The following AGBL2 variants were observed in gnomAD, a reference collection of about 807,000 sequenced individuals.
AGBL2 encodes the protein AGBL carboxypeptidase 2, also known as cytosolic carboxypeptidase 2.
AGBL2 carries 87 observed loss-of-function variants against 103.0 expected under a neutral mutation model. That is an observed-to-expected ratio of 0.84 (90% CI 0.71 to 1.01). The LOEUF (loss-of-function observed/expected upper bound fraction) is 1.01. AGBL2 is among the 50% of genes least tolerant of loss of function. AGBL2 has a pLI of 0.00. For synonymous variants in AGBL2, 335 were observed against 356.7 expected (o/e 0.94, Z 0.69); for missense variants, 904 against 1,023.5 (o/e 0.88, Z 1.59).
intron 3 of AGBL2, among the ~76,000 whole-genome samples, chr11:47,711,461 A>G (rs1052365946): frequency 1.3e-5 from 2 of 152,158 alleles, no homozygotes; most frequent in Non-Finnish European, 2.9e-5. Context: ...GTCCCAGGAC[A>G]TGGTTTTTGG....
chr11:47,673,308 G>A (rs1185704250), intron 14 of AGBL2, among the ~76,000 whole-genome samples: 2 of 151,912 alleles, frequency 1.3e-5, no homozygotes, highest in East Asian at 1.9e-4. Context: ...GCAACATGGT[G>A]AAACCCCATC....
chr11:47,684,711 TG>T (rs1433330470), intron 11 of AGBL2, among the ~76,000 whole-genome samples: 2 of 152,216 alleles, frequency 1.3e-5, no homozygotes, highest in Non-Finnish European at 2.9e-5. Context: ...TACCTGTATA[TG>T]CCTGTCACAA....
intron 17 of AGBL2, among the ~76,000 whole-genome samples, chr11:47,664,249 GT>G (rs1320603558): frequency 1.3e-5 from 2 of 151,894 alleles, no homozygotes; most frequent in African/African-American, 4.8e-5. Context: ...TACCAAAACT[GT>G]TTTTTTATTT....
chr11:47,685,427 CT>C (rs953575689), intron 11 of AGBL2, among the ~76,000 whole-genome samples: 43 of 143,926 alleles, frequency 3.0e-4, no homozygotes, highest in South Asian at 2.2e-4. Flanking sequence ...CACAGCAATT[CT>C]TTTTTTTTTT....
chr11:47,706,698 ATG>A (rs2097521196), intron 4 of AGBL2, among the ~76,000 whole-genome samples: 2 of 151,890 alleles, frequency 1.3e-5, no homozygotes, highest in African/African-American at 2.4e-5. Flanking sequence ...CCTCAAAAGA[ATG>A]TGTTTTTTGT....
chr11:47,702,732 G>A (rs912100819), intron 7 of AGBL2, among the ~76,000 whole-genome samples: 3 of 152,042 alleles, frequency 2.0e-5, no homozygotes, highest in Non-Finnish European at 4.4e-5. Flanking sequence ...AAATTAGCTG[G>A]GTGCGGTGGT....
Position 47,690,861 on chromosome 11 carries a change from G to A in AGBL2, c.849-3C>T, listed in dbSNP as rs528840697. 99 of 1,601,430 alleles carry A rather than the reference G, an allele frequency of 6.2e-5. No individual in the cohort carries two copies. Among genetic ancestry groups the A allele is most frequent in the Non-Finnish European group, 7.7e-5 (91 of 1,176,506 alleles). On this transcript the variant is annotated splice_region_variant and splice_polypyrimidine_tract_variant and intron_variant, in intron 9 of 18. Transcript: ENST00000525123. ...TGAGTTCATACTCATAGGTGTCTCT[G>A]TAATGGAGAAAATAGAACAACTCTG... is the stretch of plus-strand genomic sequence containing the variant.
intron 8 of AGBL2, among the ~76,000 whole-genome samples, chr11:47,698,633 C>T (rs2097486279): frequency 6.6e-6 from 1 of 152,096 alleles, no homozygotes; most frequent in African/African-American, 2.4e-5. Flanking sequence ...ATATCCCTGG[C>T]ACTGGTTCAT....
intron 17 of AGBL2, chr11:47,666,695 A>G: frequency 1.7e-6 from 1 of 598,074 alleles, no homozygotes; most frequent in Non-Finnish European, 2.9e-6. Context: ...AGAGGGATGA[A>G]TGGATGGTAA....
chr11:47,709,336 C>CT, intron 4 of AGBL2, among the ~76,000 whole-genome samples: 1 of 93,338 alleles, frequency 1.1e-5, no homozygotes, highest in Admixed American at 1.5e-4. Context: ...TGGTAGGACT[C>CT]TGAGGGTGGG....
intron 14 of AGBL2, 40 bp downstream of exon 14, chr11:47,677,231 G>A (rs1171103116): frequency 1.4e-6 from 2 of 1,477,758 alleles, no homozygotes; most frequent in Non-Finnish European, 1.8e-6. Context: ...TAACAACAAA[G>A]TATTTAAAAA....
intron 14 of AGBL2, 114 bp from the exon 15 acceptor site, chr11:47,669,021 T>C (rs1384470608): frequency 4.3e-6 from 3 of 699,078 alleles, no homozygotes; most frequent in Non-Finnish European, 7.5e-6. Context: ...TCTAGTCTAC[T>C]ATTTCTCTCA....
chr11:47,683,121 A>T (rs981536953), intron 11 of AGBL2, among the ~76,000 whole-genome samples: 1 of 152,226 alleles, frequency 6.6e-6, no homozygotes, highest in Non-Finnish European at 1.5e-5. Context: ...CTGTAATCCC[A>T]GCACTTTGGG....
chr11:47,678,641 G>T (rs999797242), intron 13 of AGBL2, among the ~76,000 whole-genome samples: 4 of 151,236 alleles, frequency 2.6e-5, no homozygotes, highest in Admixed American at 6.6e-5. Context: ...GCCTGATGAT[G>T]ATTATTATTA....
intron 4 of AGBL2, among the ~76,000 whole-genome samples, chr11:47,706,890 CCAA>C (rs2097522292): frequency 1.9e-5 from 1 of 53,240 alleles, no homozygotes; most frequent in African/African-American, 1.4e-4. Flanking sequence ...CTCTACTATT[CCAA>C]AAAAAAAAAA....
chr11:47,663,449 C>T (rs770700743), intron 17 of AGBL2, among the ~76,000 whole-genome samples: 13 of 152,138 alleles, frequency 8.5e-5, no homozygotes, highest in Non-Finnish European at 1.5e-4. Context: ...AATAGTGGGG[C>T]TGAAATTTGA....
Position 47,668,916 on chromosome 11 carries a change from A to G in AGBL2, c.2148-9T>C. The G allele has an allele frequency of 6.2e-7, 1 of 1,602,432 alleles. No individual in the cohort carries two copies. Reference sequence around the variant, plus strand: ...TGTCAGAGCCACTGGTGCTGTTTCCAAAAGAAAAAAAGAAGAGGAAATAAC... The same window carrying G: ...TGTCAGAGCCACTGGTGCTGTTTCCGAAAGAAAAAAAGAAGAGGAAATAAC... On this transcript the variant is annotated splice_polypyrimidine_tract_variant and intron_variant, in intron 14 of 18. Transcript: ENST00000525123.
chr11:47,693,670 C>T (rs541244449), intron 8 of AGBL2, among the ~76,000 whole-genome samples: 1 of 152,264 alleles, frequency 6.6e-6, no homozygotes, highest in South Asian at 2.1e-4. Context: ...GAATTTTGTA[C>T]TTCTTTTTTT....
intron 4 of AGBL2, among the ~76,000 whole-genome samples, chr11:47,706,385 A>G (rs1386619414): frequency 2.0e-5 from 3 of 152,200 alleles, no homozygotes; most frequent in South Asian, 4.2e-4. Context: ...GCGTGGTGGC[A>G]GGCGCCTGTA....
Sources: allele counts gnomAD v4.1 joint callset (sites outside exome capture counted in the v4.1 genomes callset), GRCh38; gene constraint gnomAD v4.1.1; transcripts MANE v1.5; gene names NCBI Gene and HGNC (gene_info 2026-07-23, HGNC 2026-07-21).